Variants in ATP8A1 observed in about 807,000 individuals in gnomAD.
ATP8A1 encodes the protein ATPase phospholipid transporting 8A1.
A neutral mutation model predicts 177.7 loss-of-function variants in ATP8A1; 90 were observed. That is an observed-to-expected ratio of 0.51 (90% CI 0.43 to 0.60). The LOEUF (loss-of-function observed/expected upper bound fraction) is 0.60, where lower values mean the gene tolerates loss of function less well. Among genes scored for constraint, ATP8A1 ranks in the 20% least tolerant of loss-of-function variants. ATP8A1 has a pLI of 0.00. For synonymous variants in ATP8A1, 493 were observed against 485.9 expected, an observed-to-expected ratio of 1.01 and a Z score of -0.19; for missense variants, 1,072 against 1,392.8, an observed-to-expected ratio of 0.77 and a Z score of 3.67.
chr4:42,590,658 A>G (rs1259922306), intron 7 of ATP8A1, among the ~76,000 whole-genome samples, 153 bp downstream of exon 7: 1 of 152,192 alleles, frequency 6.6e-6, no homozygotes, highest in African/African-American at 2.4e-5. Flanking sequence ...AAATCCCTTT[A>G]AAACATCTGT....
At chr4:42,483,526 G>T (rs1721906756) in intron 25 of ATP8A1, among the ~76,000 whole-genome samples, 1 of 152,140 alleles carries the variant, frequency 6.6e-6, no homozygotes, top group Non-Finnish European at 1.5e-5. Context: ...AGCCGCACGT[G>T]CACGGCAGGG....
chr4:42,529,772 A>AC (rs1234599225), intron 20 of ATP8A1, among the ~76,000 whole-genome samples: 1 of 152,160 alleles, frequency 6.6e-6, no homozygotes, highest in African/African-American at 2.4e-5. Flanking sequence ...TCCCTGAGGG[A>AC]CAGTGGTGAG....
At chr4:42,446,102 G>A (rs71624493) in intron 31 of ATP8A1, among the ~76,000 whole-genome samples, 19,451 of 100,302 alleles carry the variant, frequency 0.19, 4,165 homozygotes, top group East Asian at 0.44. Flanking sequence ...AAAAAAAAGA[G>A]AAGAGATATA....
intron 24 of ATP8A1, among the ~76,000 whole-genome samples, chr4:42,487,695 A>G (rs1013874396): frequency 2.0e-5 from 3 of 152,172 alleles, no homozygotes; most frequent in African/African-American, 7.2e-5. Context: ...GGCATAGGTA[A>G]TTAAAATTTT....
Position 42,443,622 on chromosome 4 carries a change from A to G in ATP8A1, c.3066T>C (p.Phe1022=). The G allele has an allele frequency of 8.3e-6, 13 of 1,571,724 alleles. No homozygotes were observed. The highest frequency in any genetic ancestry group is 1.1e-5 in the Non-Finnish European group (13 of 1,141,464). ...CAGGCCACAGAGATGAGTAGATTCCAAAAAACACCACCCAGAGTGCGATGC... is the reference window on the plus strand; with the variant it reads ...CAGGCCACAGAGATGAGTAGATTCCGAAAAACACCACCCAGAGTGCGATGC... ...WGSIALWVVF[F]GIYSSLWPAI... is the part of the protein sequence containing the mutation. The change falls in exon 33 of 37, where the codon TTT becomes TTC. Residue 1022 remains phenylalanine, a synonymous_variant. Coordinates refer to ENST00000381668, the MANE Select transcript of ATP8A1 (RefSeq NM_006095.2).
At chr4:42,415,638 T>C (rs987870213) in intron 35 of ATP8A1, among the ~76,000 whole-genome samples, 2 of 152,206 alleles carry the variant, frequency 1.3e-5, no homozygotes, top group African/African-American at 2.4e-5. Flanking sequence ...AACAAATAAG[T>C]AATCCATATG....
chr4:42,590,094 G>T (rs1469773100), intron 7 of ATP8A1, among the ~76,000 whole-genome samples: 1 of 152,174 alleles, frequency 6.6e-6, no homozygotes, highest in Non-Finnish European at 1.5e-5. Context: ...AAATTATGAT[G>T]ACATCTAAAA....
chr4:42,555,644 C>T (rs554637235), intron 16 of ATP8A1, among the ~76,000 whole-genome samples: 8 of 151,960 alleles, frequency 5.3e-5, no homozygotes, highest in South Asian at 2.1e-4. Context: ...ACCAACATGG[C>T]GAAACCCTGT....
chr4:42,426,154 G>A (rs976466133), intron 33 of ATP8A1, among the ~76,000 whole-genome samples: 5 of 152,150 alleles, frequency 3.3e-5, no homozygotes, highest in Non-Finnish European at 5.9e-5. Flanking sequence ...CAAGTCAGGG[G>A]GCATGACCGA....
At chr4:42,606,395 CA>C (rs1442687703) in intron 5 of ATP8A1, among the ~76,000 whole-genome samples, 1 of 152,176 alleles carries the variant, frequency 6.6e-6, no homozygotes, top group African/African-American at 2.4e-5. Flanking sequence ...AAAGCCCAGG[CA>C]AAAGTTTCCA....
intron 24 of ATP8A1, among the ~76,000 whole-genome samples, chr4:42,495,014 C>A (rs1723120672): frequency 1.3e-5 from 2 of 152,148 alleles, no homozygotes; most frequent in South Asian, 4.1e-4. Context: ...TTAAAATCTA[C>A]TATAAATTAA....
chr4:42,583,181 T>TCTG (rs1553910357), intron 9 of ATP8A1, among the ~76,000 whole-genome samples: 2 of 152,008 alleles, frequency 1.3e-5, no homozygotes, highest in African/African-American at 2.4e-5. Flanking sequence ...CTACACAAAT[T>TCTG]CTGACACAGG....
chr4:42,452,170 C>A, intron 29 of ATP8A1, 111 bp from the exon 30 acceptor site: 1 of 697,156 alleles, frequency 1.4e-6, no homozygotes, highest in East Asian at 2.8e-5. Flanking sequence ...TCTGTCGGGC[C>A]ACCACTGTGA....
intron 14 of ATP8A1, among the ~76,000 whole-genome samples, chr4:42,574,215 A>AG (rs895008041): frequency 6.6e-5 from 10 of 152,166 alleles, no homozygotes; most frequent in Non-Finnish European, 1.3e-4. Context: ...AGATGATAGA[A>AG]GAAAAAAAAA....
chr4:42,594,227 AGGTCAATGCAG>A, intron 6 of ATP8A1: 1 of 828,808 alleles, frequency 1.2e-6, no homozygotes, highest in African/African-American at 1.7e-5. Flanking sequence ...AGAAATCACA[AGGTCAATGCAG>A]GGTAGAGAAA....
intron 35 of ATP8A1, among the ~76,000 whole-genome samples, chr4:42,416,877 C>A (rs890146159): frequency 2.4e-4 from 36 of 152,198 alleles, no homozygotes; most frequent in Admixed American, 2.4e-3. Context: ...CAGAGATCAT[C>A]ACCAAACAAA....
intron 25 of ATP8A1, among the ~76,000 whole-genome samples, chr4:42,479,554 G>A (rs764144884): frequency 3.3e-5 from 5 of 152,180 alleles, no homozygotes; most frequent in Admixed American, 1.3e-4. Flanking sequence ...TCAGAGAACC[G>A]TAAGCAATCC....
chr4:42,473,215 A>G (rs1305338770), intron 25 of ATP8A1, among the ~76,000 whole-genome samples: 1 of 152,228 alleles, frequency 6.6e-6, no homozygotes, highest in African/African-American at 2.4e-5. Context: ...GCTCTGCGGA[A>G]GAACACAAGG....
In ATP8A1 at chr4:42,455,517, A is replaced by G; in HGVS notation, c.2694+8T>C. On this transcript the variant is annotated splice_region_variant and intron_variant, in intron 28 of 36. Coordinates refer to ENST00000381668, the MANE Select transcript of ATP8A1 (RefSeq NM_006095.2). ...TGAAACAGGAATTATCAAATGTCCT[A>G]AACTTACCACGTTATAGAGACCTAT... 6.2e-7 allele frequency: 1 copy of G among 1,613,724 alleles called. No individual in the cohort carries two copies. The highest frequency in any genetic ancestry group is 8.5e-7 in the Non-Finnish European group (1 of 1,179,746).
Sources: allele counts gnomAD v4.1 joint callset (sites outside exome capture counted in the v4.1 genomes callset), GRCh38; gene constraint gnomAD v4.1.1; transcripts MANE v1.5; gene names NCBI Gene and HGNC (gene_info 2026-07-23, HGNC 2026-07-21).